Variants in MSRA observed in about 807,000 individuals in gnomAD.
MSRA encodes methionine sulfoxide reductase A, also known as mitochondrial peptide methionine sulfoxide reductase.
In MSRA, 54 loss-of-function variants were observed where a neutral mutation model predicts 31.3. The ratio of observed to expected loss-of-function variants is 1.73; its 90% CI spans 1.39 to 2.17. The LOEUF (loss-of-function observed/expected upper bound fraction) is 2.17, where lower values mean the gene tolerates loss of function less well. Ranked by LOEUF, MSRA falls within the 30% of genes most tolerant of loss-of-function variation. MSRA has a pLI of 0.00. For missense variants in MSRA, 507 were observed against 300.9 expected (o/e 1.69, Z -5.07); for synonymous variants, 169 against 116.5 (o/e 1.45, Z -2.90).
chr8:10,087,298 G>T (rs1798610603), intron 1 of MSRA, among the ~76,000 whole-genome samples: 1 of 151,884 alleles, frequency 6.6e-6, no homozygotes, highest in African/African-American at 2.4e-5. Context: ...GGGAGAGCAT[G>T]TCTGTGCTTC....
intron 5 of MSRA, among the ~76,000 whole-genome samples, chr8:10,418,347 A>G (rs1808605143): frequency 6.6e-6 from 1 of 152,044 alleles, no homozygotes. Context: ...AGGGCCTTCA[A>G]ACTGTGATGG....
At chr8:10,175,019 G>T (rs147747526) in intron 1 of MSRA, among the ~76,000 whole-genome samples, 370 of 152,070 alleles carry the variant, frequency 2.4e-3, no homozygotes, top group Non-Finnish European at 3.5e-3. Context: ...GACGTTCTCT[G>T]ACTCATCCGT....
intron 1 of MSRA, among the ~76,000 whole-genome samples, chr8:10,192,735 G>T (rs1257933901): frequency 1.3e-5 from 2 of 152,194 alleles, no homozygotes; most frequent in African/African-American, 4.8e-5. Flanking sequence ...GTAGAAATTA[G>T]AATGCTTTTC....
At chr8:10,122,331 T>A (rs976882426) in intron 1 of MSRA, among the ~76,000 whole-genome samples, 2 of 152,146 alleles carry the variant, frequency 1.3e-5, no homozygotes, top group Non-Finnish European at 2.9e-5. Flanking sequence ...AAGCATACTT[T>A]GTGAGGATCA....
intron 5 of MSRA, among the ~76,000 whole-genome samples, chr8:10,368,567 C>T (rs1456547706): frequency 6.6e-6 from 1 of 152,338 alleles, no homozygotes; most frequent in East Asian, 1.9e-4. Flanking sequence ...TCCTGGTTGC[C>T]TCTAGTGAAG....
chr8:10,090,439 C>T (rs893449971), intron 1 of MSRA, among the ~76,000 whole-genome samples: 11 of 152,168 alleles, frequency 7.2e-5, no homozygotes, highest in Admixed American at 5.9e-4. Flanking sequence ...ATAGTATTGC[C>T]TCTGTTTAAG....
intron 1 of MSRA, among the ~76,000 whole-genome samples, chr8:10,139,560 C>G (rs959219036): frequency 6.6e-6 from 1 of 152,168 alleles, no homozygotes; most frequent in Non-Finnish European, 1.5e-5. Flanking sequence ...TGTTTTTACA[C>G]TCTCTATGTC....
intron 1 of MSRA, among the ~76,000 whole-genome samples, chr8:10,127,404 A>C (rs181930565): frequency 7.9e-5 from 12 of 152,316 alleles, no homozygotes; most frequent in Non-Finnish European, 1.6e-4. Flanking sequence ...ACATGAATTA[A>C]ATCTATATGG....
intron 1 of MSRA, among the ~76,000 whole-genome samples, chr8:10,060,713 C>A (rs577416891): frequency 5.2e-4 from 78 of 149,944 alleles, no homozygotes; most frequent in African/African-American, 1.9e-3. Flanking sequence ...TAATCAAAAT[C>A]TACATTTTGG....
chr8:10,092,708 AT>A (rs1798919061), intron 1 of MSRA, among the ~76,000 whole-genome samples: 1 of 150,992 alleles, frequency 6.6e-6, no homozygotes. Flanking sequence ...GTACTAGTTG[AT>A]TTATAGTGTT....
At chr8:10,224,266 A>G (rs1810792942) in intron 2 of MSRA, among the ~76,000 whole-genome samples, 1 of 152,196 alleles carries the variant, frequency 6.6e-6, no homozygotes, top group Non-Finnish European at 1.5e-5. Flanking sequence ...AAGGGCGTGA[A>G]GAACTATGGA....
At chr8:10,424,841 C>T (rs1809037787) in intron 5 of MSRA, among the ~76,000 whole-genome samples, 1 of 152,206 alleles carries the variant, frequency 6.6e-6, no homozygotes, top group African/African-American at 2.4e-5. Context: ...CTGCAGGGCC[C>T]TGGAGGGAGA....
intron 1 of MSRA, among the ~76,000 whole-genome samples, chr8:10,097,940 C>T (rs1799286332): frequency 6.6e-6 from 1 of 152,020 alleles, no homozygotes; most frequent in East Asian, 1.9e-4. Flanking sequence ...TCTCTCTGGC[C>T]TACACATTAC....
chr8:10,224,435 C>A (rs191890468), intron 2 of MSRA, among the ~76,000 whole-genome samples: 15 of 152,270 alleles, frequency 9.9e-5, no homozygotes, highest in Non-Finnish European at 2.1e-4. Flanking sequence ...ACAGTATTCT[C>A]CTTTTTCACA....
intron 5 of MSRA, among the ~76,000 whole-genome samples, chr8:10,321,845 C>T (rs1413054507): frequency 6.6e-6 from 1 of 152,164 alleles, no homozygotes; most frequent in Non-Finnish European, 1.5e-5. Context: ...GCAGCCCTGC[C>T]TGACAGTTTG....
At chr8:10,416,044 C>T (rs1455499299) in intron 5 of MSRA, among the ~76,000 whole-genome samples, 2 of 152,136 alleles carry the variant, frequency 1.3e-5, no homozygotes, top group African/African-American at 2.4e-5. Context: ...TCGTCACTCC[C>T]TGGGGTGTGG....
intron 5 of MSRA, among the ~76,000 whole-genome samples, chr8:10,329,028 T>C (rs1384511211): frequency 6.6e-6 from 1 of 152,342 alleles, no homozygotes; most frequent in East Asian, 1.9e-4. Context: ...GCAAACTCTC[T>C]TGACACCGAA....
chr8:10,338,317 G>A (rs988441659), intron 5 of MSRA, among the ~76,000 whole-genome samples: 5 of 152,166 alleles, frequency 3.3e-5, no homozygotes, highest in African/African-American at 4.8e-5. Context: ...CCTAAAGCAG[G>A]GAATAGAAAG....
At chr8:10,166,080 G>A (rs1051242564) in intron 1 of MSRA, among the ~76,000 whole-genome samples, 5 of 152,138 alleles carry the variant, frequency 3.3e-5, no homozygotes, top group African/African-American at 1.2e-4. Context: ...ATGAAACCCG[G>A]GGCTGGTAAG....
Sources: allele counts gnomAD v4.1 joint callset (sites outside exome capture counted in the v4.1 genomes callset), GRCh38; gene constraint gnomAD v4.1.1; transcripts MANE v1.5; gene names NCBI Gene and HGNC (gene_info 2026-07-23, HGNC 2026-07-21).